The following CPNE6 variants were observed in gnomAD, a reference collection of about 807,000 sequenced individuals.
The protein encoded by CPNE6 is copine-6.
A neutral mutation model predicts 71.5 loss-of-function variants in CPNE6; 33 were observed. The ratio of observed to expected loss-of-function variants is 0.46; its 90% confidence interval spans 0.35 to 0.62. The LOEUF (loss-of-function observed/expected upper bound fraction) is 0.62. Among genes scored for constraint, CPNE6 ranks in the 20% least tolerant of loss-of-function variants. The pLI, the probability that CPNE6 is intolerant of heterozygous loss-of-function variation, is 0.00. For synonymous variants in CPNE6, 296 were observed against 293.0 expected (o/e 1.01, Z -0.10); for missense variants, 576 against 747.3 (o/e 0.77, Z 2.67).
intron 1 of CPNE6, 61 bp from the exon 1 acceptor site, chr14:24,071,501 G>GCGGGCCCCCCCCCC: frequency 7.1e-7 from 1 of 1,416,702 alleles, no homozygotes; most frequent in Non-Finnish European, 9.3e-7. Flanking sequence ...CTGGTGCTGC[G>GCGGGCCCCCCCCCC]CCCCCCCCCA....
Position 24,077,056 on chromosome 14 carries a change from T to C in CPNE6, c.1299+44T>C. 9 of 1,603,384 alleles carry C rather than the reference T, an allele frequency of 5.6e-6. No individual in the cohort carries two copies. The highest frequency in any genetic ancestry group is 7.6e-6 in the Non-Finnish European group (9 of 1,178,866). ...CAAACAGGAGCTGTCCCATGTGTCTTTAAGTGGTGCCAGGGCCAGGGTCTG... is the reference window on the plus strand; with the variant it reads ...CAAACAGGAGCTGTCCCATGTGTCTCTAAGTGGTGCCAGGGCCAGGGTCTG... On this transcript the variant is annotated intron_variant, in intron 15 of 17. Coordinates refer to ENST00000397016, the Ensembl canonical transcript of CPNE6. This position sits in a 1 kb window ranked among gnomAD's most constrained non-coding sequence, Gnocchi z 6.1.
At chr14:24,071,502 C>CGGGG in intron 1 of CPNE6, 60 bp from the exon 1 acceptor site, 1 of 447,714 alleles carries the variant, frequency 2.2e-6, no homozygotes, top group Non-Finnish European at 3.5e-6. Context: ...TGGTGCTGCG[C>CGGGG]CCCCCCCCAC....
chr14:24,075,818 T>C lies in CPNE6; in HGVS notation c.865-9T>C, dbSNP rs752747784. The C allele has an allele frequency of 6.2e-7, 1 of 1,613,644 alleles. No homozygotes were observed. ...CATCCCCTCGCCTTACCCCTCTCCC[T>C]ACCTCCAGGTGGAGAAGGTGCACAC... On this transcript the variant is annotated splice_polypyrimidine_tract_variant and intron_variant, in intron 10 of 17. Transcript: ENST00000397016. This position sits in a 1 kb window ranked among gnomAD's most constrained non-coding sequence, Gnocchi z 4.3.
At chr14:24,071,463 C>G (rs911250381) in intron 1 of CPNE6, 99 bp from the exon 1 acceptor site, 9 of 1,517,612 alleles carry the variant, frequency 5.9e-6, no homozygotes, top group Non-Finnish European at 7.9e-6. Context: ...TCCCTCTTCT[C>G]CCTCCCAATC....
Position 24,073,962 on chromosome 14 carries a change from C to T in CPNE6, c.349-89C>T, listed in dbSNP as rs2035980409. 1 of 1,240,522 alleles carries T rather than the reference C, an allele frequency of 8.1e-7. No homozygotes were observed. The allele number at this position is 1,240,522 out of a possible 1,614,324, so 76.8% of individuals were successfully genotyped here. Reference sequence around the variant, plus strand: ...AACTCAAAGTGCCAACCCTTGCAGACACTCAGAGCATTTATTATTCCATCC... The same window carrying T: ...AACTCAAAGTGCCAACCCTTGCAGATACTCAGAGCATTTATTATTCCATCC... On this transcript the variant is annotated intron_variant, in intron 4 of 17. Transcript: ENST00000397016. This position sits in a 1 kb window ranked among gnomAD's most constrained non-coding sequence, Gnocchi z 5.5.
Position 24,075,967 on chromosome 14 carries a change from T to A in CPNE6, c.924+81T>A. The A allele has an allele frequency of 6.4e-7, 1 of 1,560,168 alleles. No individual in the cohort carries two copies. Among genetic ancestry groups the A allele is most frequent in the Admixed American group, 1.7e-5 (1 of 59,116 alleles). ...AAAGGAAGGAGCCCAGAATCTCCAC[T>A]GCCCCAACTTGGGCTGCTCATGAGC... On this transcript the variant is annotated intron_variant, in intron 11 of 17. Transcript: ENST00000397016. The surrounding 1 kb of genome is among the most constrained non-coding windows in gnomAD (Gnocchi z 4.3).
In CPNE6 at chr14:24,077,222, C is replaced by T. The variant is rs770389348; in HGVS notation, c.1368C>T (p.Ile456=). The T allele has an allele frequency of 8.7e-6, 14 of 1,612,486 alleles. No homozygotes were observed. The highest frequency in any genetic ancestry group is 2.2e-5 in the East Asian group (1 of 44,884). ...ACATGGCTGAGACTCGCACTGCTAT[C>T]GTGCGTGCCTCCCGCCTGCCCATGT... The change falls in exon 16 of 18, where the codon ATC becomes ATT. Residue 456 remains isoleucine, a synonymous_variant. Coordinates refer to ENST00000397016, the Ensembl canonical transcript of CPNE6. The surrounding 1 kb of genome is among the most constrained non-coding windows in gnomAD (Gnocchi z 6.1).
At position 24,077,258 on chromosome 14, in the gene CPNE6, C is replaced by T. The variant is rs767527372; in HGVS notation, c.1404C>T (p.Ile468=). Residue 468 remains isoleucine (I), a synonymous_variant, in exon 16 of 18, where the codon ATC becomes ATT. Transcript: ENST00000397016. This position sits in a 1 kb window ranked among gnomAD's most constrained non-coding sequence, Gnocchi z 6.1. ...CCCGCCTGCCCATGTCCATCATCAT[C>T]GTAGGCGTGGGCAATGCTGACTTCT... 2 of 1,613,682 alleles carry T rather than the reference C, an allele frequency of 1.2e-6. No homozygotes were observed. Among genetic ancestry groups the T allele is most frequent in the Non-Finnish European group, 1.7e-6 (2 of 1,180,036 alleles).
rs1228371565 is a variant in CPNE6 at position 24,074,817 on chromosome 14, C to A, written c.672+22C>A. On this transcript the variant is annotated intron_variant, in intron 8 of 17. Coordinates refer to ENST00000397016, the Ensembl canonical transcript of CPNE6. The surrounding 1 kb of genome is among the most constrained non-coding windows in gnomAD (Gnocchi z 4.5). Reference sequence around the variant, plus strand: ...CAAGGTGAAGTCCCAGCCAAGCCAGCACAGCCTACTTAGAGCAACCAATCT... The same window carrying A: ...CAAGGTGAAGTCCCAGCCAAGCCAGAACAGCCTACTTAGAGCAACCAATCT... 12 of 1,601,158 alleles carry A rather than the reference C, an allele frequency of 7.5e-6. No individual in the cohort carries two copies. The highest frequency in any genetic ancestry group is 1.0e-5 in the Non-Finnish European group (12 of 1,172,252).
exon 15 of CPNE6, chr14:24,076,968 G>T: frequency 6.2e-7 from 1 of 1,612,774 alleles, no homozygotes. Flanking sequence ...CATCAACCGT[G>T]TGGCTGAGCC....
chr14:24,075,292 C>G lies in CPNE6; in HGVS notation c.777+16C>G. On this transcript the variant is annotated intron_variant, in intron 9 of 17. Transcript: ENST00000397016. The surrounding 1 kb of genome is among the most constrained non-coding windows in gnomAD (Gnocchi z 4.3). Reference sequence around the variant, plus strand: ...TGGGCAGGAGGTGCCACAAATACCCCACCCCCAGAATCCCACCCAGATCCC... The same window carrying G: ...TGGGCAGGAGGTGCCACAAATACCCGACCCCCAGAATCCCACCCAGATCCC... The G allele has an allele frequency of 1.3e-6, 2 of 1,598,898 alleles. No individual in the cohort carries two copies. Among genetic ancestry groups the G allele is most frequent in the South Asian group, 1.1e-5 (1 of 90,774 alleles).
In CPNE6 at chr14:24,071,556, G is replaced by A. The variant is rs765084059; in HGVS notation, c.-90G>A. 4.7e-6 allele frequency: 7 copies of A among 1,501,232 alleles called. 1 individual carries two copies. The South Asian group carries it at 7.2e-5, about 15-fold the overall frequency. The allele number at this position is 1,501,232 out of a possible 1,614,324, so 93.0% of individuals were successfully genotyped here. A position where few individuals can be genotyped will look rare whatever the true frequency, so the allele number is the denominator to read the frequency against. On this transcript the variant is annotated 5_prime_UTR_variant, in exon 2 of 18. Transcript: ENST00000397016. Reference sequence around the variant, plus strand: ...CATAAATAGCAGCAGAGCCGGAGCTGGAGCCGGCGCCAGCGGCTGGAGCAG... The same window carrying A: ...CATAAATAGCAGCAGAGCCGGAGCTAGAGCCGGCGCCAGCGGCTGGAGCAG...
chr14:24,071,855 A>G (rs552980584), intron 2 of CPNE6: 62 of 520,236 alleles, frequency 1.2e-4, no homozygotes, highest in African/African-American at 8.7e-4. Context: ...CCTCCCTCAC[A>G]TATCCAGAAA....
At chr14:24,071,247 G>A in intron 1 of CPNE6, 1 of 1,110,702 alleles carries the variant, frequency 9.0e-7, no homozygotes. Flanking sequence ...GTGAGTCGTG[G>A]GTGCATGTGT....
chr14:24,077,444 C>T lies in CPNE6; in HGVS notation c.1536+54C>T. The T allele has an allele frequency of 6.3e-7, 1 of 1,583,228 alleles. No homozygotes were observed. The highest frequency in any genetic ancestry group is 8.7e-7 in the Non-Finnish European group (1 of 1,152,154). On this transcript the variant is annotated intron_variant, in intron 16 of 17. Coordinates refer to ENST00000397016, the Ensembl canonical transcript of CPNE6. The surrounding 1 kb of genome is among the most constrained non-coding windows in gnomAD (Gnocchi z 6.1). ...AGGACTCCTCAGCTTCTCATCCCCC[C>T]AAATCTGACCTTCGTCTTCCACCAT...
chr14:24,076,000 T>C lies in CPNE6; in HGVS notation c.924+114T>C. On this transcript the variant is annotated intron_variant, in intron 11 of 17. Coordinates refer to ENST00000397016, the Ensembl canonical transcript of CPNE6. This position sits in a 1 kb window ranked among gnomAD's most constrained non-coding sequence, Gnocchi z 4.3. Reference sequence around the variant, plus strand: ...CTTGGGCTGCTCATGAGCCTTCGCATTGTCAGCTTATGCACCCCCACATCA... The same window carrying C: ...CTTGGGCTGCTCATGAGCCTTCGCACTGTCAGCTTATGCACCCCCACATCA... 3 of 1,505,608 alleles carry C rather than the reference T, an allele frequency of 2.0e-6. No homozygotes were observed. Among genetic ancestry groups the C allele is most frequent in the South Asian group, 2.3e-5 (2 of 85,688 alleles). The allele number at this position is 1,505,608 out of a possible 1,614,324, so 93.3% of individuals were successfully genotyped here.
intron 2 of CPNE6, chr14:24,071,950 A>G: frequency 2.8e-6 from 1 of 352,386 alleles, no homozygotes; most frequent in East Asian, 5.2e-5. Flanking sequence ...ACCCTCCTGG[A>G]AACGGACACA....
At chr14:24,071,069 T>C in intron 1 of CPNE6, 1 of 1,521,030 alleles carries the variant, frequency 6.6e-7, no homozygotes. Context: ...GACAGCCCAG[T>C]GTTCCTGTAT....
chr14:24,071,635 A>G lies in CPNE6; in HGVS notation c.-11A>G. On this transcript the variant is annotated 5_prime_UTR_variant, in exon 2 of 18. Transcript: ENST00000397016. ...CCGGAGAGAGGAGCCCCCGACCGAG[A>G]GCCCAGGTGAGCCCACCCTTCCTCC... 3.1e-6 allele frequency: 3 copies of G among 974,456 alleles called. No homozygotes were observed. In the East Asian group the frequency reaches 7.8e-5, roughly 25 times the overall value. 60.4% of individuals were successfully genotyped at this position (974,456 alleles called of 1,614,324 possible). A position where few individuals can be genotyped will look rare whatever the true frequency, so the allele number is the denominator to read the frequency against.
Sources: gnomAD v4.1 joint callset for allele counts on GRCh38, gnomAD v4.1.1 for gene constraint, Gnocchi (gnomAD v3.1) non-coding constraint, MANE v1.5 for transcripts, NCBI Gene and HGNC (gene_info 2026-07-23, HGNC 2026-07-21) for gene names.